The following EDN1 variants were observed in gnomAD, a reference collection of about 807,000 sequenced individuals.
EDN1 encodes the protein endothelin 1, also known as endothelin-1.
A neutral mutation model predicts 21.7 loss-of-function variants in EDN1; 11 were observed. The ratio of observed to expected loss-of-function variants is 0.51; its 90% CI spans 0.32 to 0.84. The LOEUF (loss-of-function observed/expected upper bound fraction) is 0.84. Ranked by LOEUF, EDN1 falls within the 40% of genes least tolerant of loss-of-function variation. EDN1 has a pLI of 0.03. For missense variants in EDN1, 244 were observed against 262.3 expected (o/e 0.93, Z 0.48); for synonymous variants, 85 against 90.6 (o/e 0.94, Z 0.35).
At chr6:12,289,316 CA>C (rs56176245), upstream of EDN1, among the ~76,000 whole-genome samples, 4 of 151,648 alleles carry the variant, frequency 2.6e-5, no homozygotes, top group South Asian at 2.1e-4. Context: ...GACACCCCCC[CA>C]AAAAAAAGAG....
At chr6:12,274,939 C>CTCCCTTCCTTCCTTCCT in the EDN1 span, among the ~76,000 whole-genome samples, 2 of 135,454 alleles carry the variant, frequency 1.5e-5, no homozygotes, top group African/African-American at 5.6e-5. Context: ...TTTCTTCCTT[C>CTCCCTTCCTTCCTTCCT]TCCTTCCTTC....
the EDN1 span, among the ~76,000 whole-genome samples, chr6:12,236,287 A>AT: frequency 2.6e-3 from 392 of 149,392 alleles, 2 homozygotes; most frequent in African/African-American, 6.6e-3. Context: ...ATGCCAAACA[A>AT]TTTTTTTTTT....
chr6:12,291,556 T>C (rs1007536279), intron 1 of EDN1, among the ~76,000 whole-genome samples: 1 of 152,138 alleles, frequency 6.6e-6, no homozygotes, highest in Non-Finnish European at 1.5e-5. Context: ...ATGTACAAAA[T>C]TGGGCAGATA....
chr6:12,274,232 T>G, the EDN1 span, among the ~76,000 whole-genome samples: 1 of 152,200 alleles, frequency 6.6e-6, no homozygotes, highest in East Asian at 1.9e-4. Context: ...GATTTTATTT[T>G]GATGTAGATA....
chr6:12,236,636 A>G, the EDN1 span, among the ~76,000 whole-genome samples: 1 of 152,210 alleles, frequency 6.6e-6, no homozygotes, highest in Non-Finnish European at 1.5e-5. Context: ...CATTTTTCCT[A>G]AAATATTTGA....
At chr6:12,243,134 A>G in the EDN1 span, among the ~76,000 whole-genome samples, 441 of 152,314 alleles carry the variant, frequency 2.9e-3, 2 homozygotes, top group African/African-American at 0.01. Flanking sequence ...TGTATGTTAT[A>G]TGTATTATAT....
chr6:12,238,538 A>T, the EDN1 span, among the ~76,000 whole-genome samples: 1 of 152,214 alleles, frequency 6.6e-6, no homozygotes, highest in African/African-American at 2.4e-5. Context: ...TGTGAAATGT[A>T]TGGAGGCGGA....
chr6:12,283,419 T>A, the EDN1 span, among the ~76,000 whole-genome samples: 10 of 152,218 alleles, frequency 6.6e-5, no homozygotes, highest in African/African-American at 2.4e-4. Context: ...AGGGAATTTT[T>A]TTTTTCTGTA....
At chr6:12,272,452 C>CTTTTTTTTTTTTTTTTTTTTTTTTTT in the EDN1 span, among the ~76,000 whole-genome samples, 1 of 106,812 alleles carries the variant, frequency 9.4e-6, no homozygotes, top group African/African-American at 3.7e-5. Flanking sequence ...GAGTCATACT[C>CTTTTTTTTTTTTTTTTTTTTTTTTTT]TTTTTTTTTT....
At chr6:12,243,104 C>T in the EDN1 span, among the ~76,000 whole-genome samples, 1 of 152,158 alleles carries the variant, frequency 6.6e-6, no homozygotes, top group Non-Finnish European at 1.5e-5. Context: ...ATAACATAAA[C>T]AGCCAATTAA....
At chr6:12,238,033 C>A in the EDN1 span, among the ~76,000 whole-genome samples, 1 of 151,836 alleles carries the variant, frequency 6.6e-6, no homozygotes, top group Non-Finnish European at 1.5e-5. Flanking sequence ...ATTTGTCAGG[C>A]CTGTGGCAGG....
rs61701314 is a variant in EDN1 at position 12,294,920 on chromosome 6, CTTTTT to C, written c.533+532_533+536del. On this transcript the variant is annotated intron_variant, in intron 4 of 4. Coordinates refer to ENST00000379375, the MANE Select transcript of EDN1 (RefSeq NM_001955.5). ...ACATGCTGTTTTTCAGGTTTATGGT[CTTTTT>C]TTTTTTTTTTTTTTTAAATAGGGAA... Among the ~76,000 whole-genome samples, 160 of 107,632 alleles carry C rather than the reference CTTTTT, an allele frequency of 1.5e-3. 1 individual carries two copies. The highest frequency in any genetic ancestry group is 4.1e-3 in the African/African-American group (116 of 28,216). 70.6% of individuals were successfully genotyped at this position (107,632 alleles called of 152,430 possible). A position where few individuals can be genotyped will look rare whatever the true frequency, so the allele number is the denominator to read the frequency against.
rs1762821560 is a variant in EDN1, at chr6:12,296,219, G to A, written c.*152G>A. 4 of 719,192 alleles carry A rather than the reference G, an allele frequency of 5.6e-6. No homozygotes were observed. Among genetic ancestry groups the A allele is most frequent in the Non-Finnish European group, 9.9e-6 (4 of 403,742 alleles). The allele number at this position is 719,192 out of a possible 1,614,324, so 44.6% of individuals were successfully genotyped here. On this transcript the variant is annotated 3_prime_UTR_variant, in exon 5 of 5. Coordinates refer to ENST00000379375, the MANE Select transcript of EDN1 (RefSeq NM_001955.5). ...AGCGTCCTCGTTCAAAACATTCCAA[G>A]AAAGGTTAAGGAGTTCCCCCAACCA...
the EDN1 span, among the ~76,000 whole-genome samples, chr6:12,249,121 T>C: frequency 6.6e-6 from 1 of 152,168 alleles, no homozygotes; most frequent in Non-Finnish European, 1.5e-5. Flanking sequence ...AGCCAGTGAG[T>C]TTTCGGGTGA....
the EDN1 span, among the ~76,000 whole-genome samples, chr6:12,285,356 G>A: frequency 3.6e-4 from 55 of 152,078 alleles, no homozygotes; most frequent in Admixed American, 8.5e-4. Context: ...TCTGGATGCC[G>A]GAACATCTGT....
At chr6:12,232,086 G>A in the EDN1 span, among the ~76,000 whole-genome samples, 4 of 146,330 alleles carry the variant, frequency 2.7e-5, no homozygotes, top group East Asian at 3.9e-4. Flanking sequence ...CATATAATGT[G>A]TATATTATAA....
chr6:12,278,353 T>C, the EDN1 span, among the ~76,000 whole-genome samples: 1 of 152,162 alleles, frequency 6.6e-6, no homozygotes, highest in Non-Finnish European at 1.5e-5. Flanking sequence ...AGCCACTAGA[T>C]AGCCAGTAAT....
chr6:12,270,940 G>A, the EDN1 span, among the ~76,000 whole-genome samples: 4 of 152,050 alleles, frequency 2.6e-5, no homozygotes, highest in Admixed American at 6.6e-5. Context: ...TTTGCTTTAC[G>A]CATTTGGGTG....
In EDN1 at chr6:12,296,502, C is replaced by A; in HGVS notation, c.*435C>A. 1.9e-5 allele frequency: 3 copies of A among 157,352 alleles called. No individual in the cohort carries two copies. Among genetic ancestry groups the A allele is most frequent in the Admixed American group, 6.1e-5 (1 of 16,420 alleles). 9.7% of individuals were successfully genotyped at this position (157,352 alleles called of 1,614,324 possible). On this transcript the variant is annotated 3_prime_UTR_variant, in exon 5 of 5. Coordinates refer to ENST00000379375, the MANE Select transcript of EDN1 (RefSeq NM_001955.5). ...ACACAAAGATTTTCTAAGGAATGCA[C>A]AAATTGAAAACACACTCAAAAGACA...
Sources: allele counts gnomAD v4.1 joint callset (sites outside exome capture counted in the v4.1 genomes callset), GRCh38; gene constraint gnomAD v4.1.1; transcripts MANE v1.5; gene names NCBI Gene and HGNC (gene_info 2026-07-23, HGNC 2026-07-21).